The following SYBU variants were observed in gnomAD, a reference collection of about 807,000 sequenced individuals.
SYBU encodes syntabulin, also known as GOLSYN A protein.
A neutral mutation model predicts 35.9 loss-of-function variants in SYBU; 21 were observed. That is an observed-to-expected ratio of 0.58 (90% CI 0.41 to 0.84). The LOEUF (loss-of-function observed/expected upper bound fraction) is 0.84. Among genes scored for constraint, SYBU ranks in the 40% least tolerant of loss-of-function variants. SYBU has a pLI of 0.00. For missense variants in SYBU, 768 were observed against 848.2 expected (o/e 0.91, Z 1.17); for synonymous variants, 319 against 324.3 (o/e 0.98, Z 0.18).
chr8:109,575,606 A>G lies in SYBU; in HGVS notation c.1292T>C (p.Val431Ala). 1 of 1,613,966 alleles carries G rather than the reference A, an allele frequency of 6.2e-7. No individual in the cohort carries two copies. Among genetic ancestry groups the G allele is most frequent in the Non-Finnish European group, 8.5e-7 (1 of 1,179,978 alleles). ...TGTGCTGTTGGCTATGCTATCTCCT[A>G]CCAGTAGCTCCCTGTCAGCCCCTTC... Reference protein sequence around the residue: ...TGEGADRELLVGDSIANSTDL... With the variant: ...TGEGADRELLAGDSIANSTDL... Residue 431 changes from valine to alanine, a missense_variant, in exon 7 of 7, where the codon GTA becomes GCA. Transcript: ENST00000276646.
intron 1 of SYBU, among the ~76,000 whole-genome samples, chr8:109,668,943 C>T (rs1816865764): frequency 6.6e-6 from 1 of 152,142 alleles, no homozygotes; most frequent in African/African-American, 2.4e-5. Context: ...AATTCATTCA[C>T]ATGTCAAATT....
intron 4 of SYBU, among the ~76,000 whole-genome samples, chr8:109,582,562 T>C (rs138361198): frequency 0.012 from 1,800 of 152,280 alleles, 39 homozygotes; most frequent in African/African-American, 0.041. Flanking sequence ...TAGAAGGTCA[T>C]AGACAGAGGA....
intron 3 of SYBU, among the ~76,000 whole-genome samples, chr8:109,595,504 A>G (rs1025977961): frequency 6.6e-6 from 1 of 152,194 alleles, no homozygotes; most frequent in African/African-American, 2.4e-5. Flanking sequence ...TTTTGCTAGC[A>G]CACGTGGGCT....
At chr8:109,640,970 A>T (rs1814808031) in intron 2 of SYBU, among the ~76,000 whole-genome samples, 1 of 152,150 alleles carries the variant, frequency 6.6e-6, no homozygotes, top group Non-Finnish European at 1.5e-5. Context: ...AATGCAGTGG[A>T]ATGTTAGGTC....
chr8:109,641,908 G>A (rs1814922783), intron 2 of SYBU, among the ~76,000 whole-genome samples: 1 of 152,180 alleles, frequency 6.6e-6, no homozygotes. Context: ...ATTCCTCAAG[G>A]ATCTAGAACC....
At chr8:109,582,340 A>G (rs549871304) in intron 4 of SYBU, among the ~76,000 whole-genome samples, 1 of 152,346 alleles carries the variant, frequency 6.6e-6, no homozygotes, top group South Asian at 2.1e-4. Flanking sequence ...TAACATGTAT[A>G]GGTGCAAACT....
upstream of SYBU, chr8:109,645,626 G>GTTT (rs201121007): frequency 4.9e-3 from 1,197 of 244,822 alleles, 35 homozygotes; most frequent in African/African-American, 0.022. Context: ...TTGTTGTTTC[G>GTTT]TTTTTTGTTT....
upstream of SYBU, among the ~76,000 whole-genome samples, chr8:109,649,667 C>A (rs560381027): frequency 1.3e-5 from 2 of 152,246 alleles, no homozygotes; most frequent in African/African-American, 4.8e-5. Context: ...TAGCCTCCCC[C>A]AAAATGGCTT....
intron 2 of SYBU, among the ~76,000 whole-genome samples, chr8:109,629,391 T>C (rs1457521046): frequency 1.3e-5 from 2 of 152,186 alleles, no homozygotes; most frequent in Admixed American, 1.3e-4. Flanking sequence ...TAATCTAATA[T>C]CCCTCTGAGA....
chr8:109,590,164 C>T (rs1020054133), intron 3 of SYBU, among the ~76,000 whole-genome samples: 7 of 152,154 alleles, frequency 4.6e-5, no homozygotes, highest in Non-Finnish European at 7.3e-5. Flanking sequence ...GCAGGAGCAA[C>T]GGACACACGC....
At chr8:109,651,335 G>A (rs1816125807) in intron 1 of SYBU, among the ~76,000 whole-genome samples, 1 of 152,060 alleles carries the variant, frequency 6.6e-6, no homozygotes, top group Non-Finnish European at 1.5e-5. Flanking sequence ...CCTAATTCAG[G>A]GAAGCACTGG....
rs755098061 is a variant in SYBU, at chr8:109,579,997, C to A, written c.536G>T (p.Gly179Val). 16 of 1,612,448 alleles carry A rather than the reference C, an allele frequency of 9.9e-6. No individual in the cohort carries two copies. The highest frequency in any genetic ancestry group is 4.5e-5 in the East Asian group (2 of 44,872). The change falls in exon 5 of 7, where the codon GGT becomes GTT. Residue 179 changes from glycine to valine, a missense_variant. Gly to Val is a moderately radical substitution (Grantham distance 109). Transcript: ENST00000276646. ...SKRSSSSRNR[G>V]PHGRSNGASS... is the part of the protein sequence containing the mutation. Reference sequence around the variant, plus strand: ...AGCTCCATTACTCCGCCCATGAGGACCTCGACTGGGAGAAAAGAATGAAAA... The same window carrying A: ...AGCTCCATTACTCCGCCCATGAGGAACTCGACTGGGAGAAAAGAATGAAAA...
intron 1 of SYBU, among the ~76,000 whole-genome samples, chr8:109,657,805 C>T (rs913950310): frequency 6.6e-6 from 1 of 152,150 alleles, no homozygotes; most frequent in Non-Finnish European, 1.5e-5. Context: ...GTTTAATAAA[C>T]ATTTCATGTT....
Position 109,671,428 on chromosome 8 carries a change from A to G in SYBU, c.-129+9283T>C, listed in dbSNP as rs372267814. Among the ~76,000 whole-genome samples, 59 of 152,270 alleles carry G rather than the reference A, an allele frequency of 3.9e-4. No homozygotes were observed. In the East Asian group the frequency reaches 7.3e-3, roughly 19 times the overall value. On this transcript the variant is annotated intron_variant, in intron 1 of 5. Coordinates refer to the SYBU transcript ENST00000408889. The stretch of plus-strand genomic sequence containing the variant: ...GCCTAAACCTCAAAGAGCCTTTTTC[A>G]GTGGGGGCTGGAGGGAAGCTCATTG...
intron 1 of SYBU, among the ~76,000 whole-genome samples, chr8:109,688,772 A>T (rs75486775): frequency 8.3e-6 from 1 of 119,948 alleles, no homozygotes; most frequent in African/African-American, 3.1e-5. Context: ...TTACACAGAT[A>T]AAAAAAAAAA....
chr8:109,649,725 G>A (rs1816038775), upstream of SYBU, among the ~76,000 whole-genome samples: 1 of 152,142 alleles, frequency 6.6e-6, no homozygotes. Flanking sequence ...TAGGATATTT[G>A]TCAAAAACAT....
intron 3 of SYBU, among the ~76,000 whole-genome samples, chr8:109,614,365 GT>G (rs1811505327): frequency 6.6e-6 from 1 of 152,244 alleles, no homozygotes; most frequent in African/African-American, 2.4e-5. Flanking sequence ...GGTAGAAACA[GT>G]TTCATCAGGA....
At chr8:109,631,785 C>T (rs1416831789) in intron 2 of SYBU, among the ~76,000 whole-genome samples, 2 of 152,160 alleles carry the variant, frequency 1.3e-5, no homozygotes, top group Non-Finnish European at 2.9e-5. Context: ...GTGAATTTGT[C>T]TTTCAAGAGA....
intron 4 of SYBU, 74 bp from the exon 5 acceptor site, chr8:109,580,076 A>G: frequency 3.8e-6 from 5 of 1,317,116 alleles, no homozygotes; most frequent in Non-Finnish European, 5.5e-6. Flanking sequence ...TTACTCCTTA[A>G]ATCTAAGGAA....
Sources: allele counts gnomAD v4.1 joint callset (sites outside exome capture counted in the v4.1 genomes callset), GRCh38; gene constraint gnomAD v4.1.1; transcripts MANE v1.5; gene names NCBI Gene and HGNC (gene_info 2026-07-23, HGNC 2026-07-21).